The following RALGPS1 variants were observed in gnomAD, a reference collection of about 807,000 sequenced individuals.
RALGPS1 encodes Ral GEF with PH domain and SH3 binding motif 1.
RALGPS1 carries 19 observed loss-of-function variants against 78.8 expected under a neutral mutation model. The ratio of observed to expected loss-of-function variants is 0.24; its 90% CI spans 0.17 to 0.35. The LOEUF (loss-of-function observed/expected upper bound fraction) is 0.35, where lower values mean the gene tolerates loss of function less well. Ranked by LOEUF, RALGPS1 falls within the 10% of genes least tolerant of loss-of-function variation. The probability of loss-of-function intolerance (pLI) is 1.00; values close to 1 mark genes in which losing one functional copy is unlikely to be tolerated. For missense variants in RALGPS1, 454 were observed against 688.3 expected, an observed-to-expected ratio of 0.66 and a Z score of 3.81; for synonymous variants, 228 against 256.3, an observed-to-expected ratio of 0.89 and a Z score of 1.06.
chr9:126,955,050 A>G (rs1375868208), intron 1 of RALGPS1, among the ~76,000 whole-genome samples: 1 of 152,198 alleles, frequency 6.6e-6, no homozygotes, highest in Non-Finnish European at 1.5e-5. Flanking sequence ...ACTGGTTTGT[A>G]TGGCTGCCTC....
At chr9:127,075,945 T>C (rs926718049) in intron 8 of RALGPS1, among the ~76,000 whole-genome samples, 13 of 152,234 alleles carry the variant, frequency 8.5e-5, no homozygotes, top group Admixed American at 7.2e-4. Flanking sequence ...TGACTCCTTT[T>C]AATGCAAATT....
chr9:127,061,602 C>G (rs2049218876), intron 7 of RALGPS1, among the ~76,000 whole-genome samples: 1 of 152,174 alleles, frequency 6.6e-6, no homozygotes, highest in South Asian at 2.1e-4. Context: ...CCTTGTATGC[C>G]CACCTCCAGG....
intron 5 of RALGPS1, among the ~76,000 whole-genome samples, chr9:127,041,093 T>C (rs1353681211): frequency 7.2e-6 from 1 of 139,426 alleles, no homozygotes; most frequent in African/African-American, 2.9e-5. Context: ...TTTCTTTCTT[T>C]CTTTTTTTTT....
chr9:127,015,544 C>T (rs1193553700), intron 4 of RALGPS1, among the ~76,000 whole-genome samples: 3 of 152,068 alleles, frequency 2.0e-5, no homozygotes, highest in Non-Finnish European at 2.9e-5. Context: ...GGCTTCCTGG[C>T]GGTTGGTTAT....
intron 4 of RALGPS1, chr9:126,990,274 C>G: frequency 2.6e-6 from 1 of 391,452 alleles, no homozygotes; most frequent in Non-Finnish European, 4.6e-6. Flanking sequence ...CCAACCTAGT[C>G]TAATCCACTG....
At chr9:127,050,465 T>A (rs903899406) in intron 6 of RALGPS1, among the ~76,000 whole-genome samples, 2 of 152,208 alleles carry the variant, frequency 1.3e-5, no homozygotes, top group Non-Finnish European at 2.9e-5. Flanking sequence ...ATTCTCCTAC[T>A]TTAGATTTAG....
chr9:127,014,846 C>T (rs2044674136), intron 4 of RALGPS1, among the ~76,000 whole-genome samples: 1 of 152,082 alleles, frequency 6.6e-6, no homozygotes, highest in Non-Finnish European at 1.5e-5. Context: ...TACATCATAC[C>T]CGGGACCTTT....
At chr9:127,196,876 G>C (rs2061376064) in intron 13 of RALGPS1, among the ~76,000 whole-genome samples, 1 of 152,216 alleles carries the variant, frequency 6.6e-6, no homozygotes, top group African/African-American at 2.4e-5. Flanking sequence ...CTGGTGGCAT[G>C]GCAGGCAGGT....
Position 127,140,799 on chromosome 9 carries a change from G to A in RALGPS1, c.611-25270G>A, listed in dbSNP as rs558080801. Among the ~76,000 whole-genome samples the A allele has an allele frequency of 1.1e-4, 17 of 152,308 alleles. No homozygotes were observed. In the South Asian group the frequency reaches 3.5e-3, roughly 32 times the overall value. ...ACACAGAACAGCATGGGGCAGCCAT[G>A]GAGTCCACGCTGGAAGAGACTTGGG... On this transcript the variant is annotated intron_variant, in intron 8 of 18. Coordinates refer to ENST00000259351, the MANE Select transcript of RALGPS1 (RefSeq NM_014636.3).
intron 14 of RALGPS1, among the ~76,000 whole-genome samples, chr9:127,201,452 C>T (rs991111330): frequency 6.6e-6 from 1 of 152,202 alleles, no homozygotes; most frequent in Non-Finnish European, 1.5e-5. Context: ...GCCAGTTGCC[C>T]CTTGGCCACC....
intron 5 of RALGPS1, among the ~76,000 whole-genome samples, chr9:127,047,090 A>G (rs2047867621): frequency 6.6e-6 from 1 of 152,064 alleles, no homozygotes; most frequent in Non-Finnish European, 1.5e-5. Flanking sequence ...TTTGGAGGCC[A>G]CTTTTTTTAC....
intron 8 of RALGPS1, among the ~76,000 whole-genome samples, chr9:127,146,294 G>A (rs1239975649): frequency 6.6e-6 from 1 of 152,120 alleles, no homozygotes; most frequent in Non-Finnish European, 1.5e-5. Flanking sequence ...CCTGCGTTTA[G>A]CTCCTGCTTC....
chr9:127,187,615 G>A (rs1295947829), intron 11 of RALGPS1, among the ~76,000 whole-genome samples: 1 of 152,166 alleles, frequency 6.6e-6, no homozygotes, highest in Non-Finnish European at 1.5e-5. Context: ...CGCAAGGGAG[G>A]AGCAATGCAA....
Position 127,069,308 on chromosome 9 carries a change from C to T in RALGPS1, c.562C>T (p.Arg188Trp), listed in dbSNP as rs762906803. The T allele has an allele frequency of 1.9e-6, 3 of 1,613,840 alleles. No homozygotes were observed. The highest frequency in any genetic ancestry group is 2.5e-6 in the Non-Finnish European group (3 of 1,179,758). ...MSKEDNYKRT[R>W]EYIRSLKMVP... The stretch of plus-strand genomic sequence containing the variant: ...GAAAGAAGATAATTACAAGCGGACA[C>T]GGGAATATATCCGAAGCCTGAAGAT... Residue 188 changes from arginine (R) to tryptophan (W), a missense_variant, in exon 8 of 19, where the codon CGG becomes TGG. Physicochemically the swap from Arg to Trp is moderately radical, Grantham distance 101 (BLOSUM62 -3). Transcript: ENST00000259351.
intron 8 of RALGPS1, among the ~76,000 whole-genome samples, chr9:127,136,832 C>G (rs555001940): frequency 1.4e-4 from 22 of 152,280 alleles, no homozygotes; most frequent in Non-Finnish European, 2.2e-4. Context: ...CAAACCCAAG[C>G]TCTTTTCTGC....
At chr9:127,000,851 G>A (rs1193797996) in intron 4 of RALGPS1, among the ~76,000 whole-genome samples, 1 of 151,618 alleles carries the variant, frequency 6.6e-6, no homozygotes, top group East Asian at 1.9e-4. Context: ...ACCGCGCCCG[G>A]CCTCTGCTAT....
chr9:127,056,714 C>G (rs76440178), intron 7 of RALGPS1, among the ~76,000 whole-genome samples: 3 of 152,156 alleles, frequency 2.0e-5, no homozygotes, highest in South Asian at 2.1e-4. Flanking sequence ...TCTGCCTCCC[C>G]CTTTTGACTG....
At position 127,212,553 on chromosome 9, in the gene RALGPS1, G is replaced by T; in HGVS notation, c.1354-74G>T. 1 of 1,065,344 alleles carries T rather than the reference G, an allele frequency of 9.4e-7. No individual in the cohort carries two copies. The highest frequency in any genetic ancestry group is 1.6e-5 in the African/African-American group (1 of 62,894). The allele number at this position is 1,065,344 out of a possible 1,614,324, so 66.0% of individuals were successfully genotyped here. A position where few individuals can be genotyped will look rare whatever the true frequency, so the allele number is the denominator to read the frequency against. ...TGCACTGGCATTGATGGGATGGCTG[G>T]GTCTGTAATCGGCCAGGGATCCTCT... On this transcript the variant is annotated intron_variant, in intron 15 of 18. Transcript: ENST00000259351. This position sits in a 1 kb window ranked among gnomAD's most constrained non-coding sequence, Gnocchi z 6.0.
At chr9:127,141,832 G>T (rs991050327) in intron 8 of RALGPS1, among the ~76,000 whole-genome samples, 2 of 152,008 alleles carry the variant, frequency 1.3e-5, no homozygotes, top group African/African-American at 4.8e-5. Flanking sequence ...ATAGAAAATT[G>T]AAATGTAAAT....
Sources: gnomAD v4.1 joint callset for allele counts (sites outside exome capture counted in the v4.1 genomes callset) on GRCh38, gnomAD v4.1.1 for gene constraint, Gnocchi (gnomAD v3.1) non-coding constraint, MANE v1.5 for transcripts, NCBI Gene and HGNC (gene_info 2026-07-23, HGNC 2026-07-21) for gene names.